The following NFAT5 variants were observed in gnomAD, a reference collection of about 807,000 sequenced individuals.
NFAT5 encodes the protein nuclear factor of activated T-cells 5.
NFAT5 carries 31 observed loss-of-function variants against 166.5 expected under a neutral mutation model. The ratio of observed to expected loss-of-function variants is 0.19; its 90% CI spans 0.14 to 0.25. The LOEUF (loss-of-function observed/expected upper bound fraction) is 0.25. NFAT5 is among the 10% of genes least tolerant of loss of function. The probability of loss-of-function intolerance (pLI) is 1.00; values close to 1 mark genes in which losing one functional copy is unlikely to be tolerated. For synonymous variants in NFAT5, 612 were observed against 639.7 expected, an observed-to-expected ratio of 0.96 and a Z score of 0.65; for missense variants, 1,449 against 1,821.8, an observed-to-expected ratio of 0.80 and a Z score of 3.72.
rs2151732335 is a variant in NFAT5 at position 69,699,467 on chromosome 16, T to C, written c.*3116T>C. On this transcript the variant is annotated 3_prime_UTR_variant, in exon 15 of 15. Transcript: ENST00000349945. The stretch of plus-strand genomic sequence containing the variant: ...CTACCATATTCTTGTTCAATAATAA[T>C]AGGTTTGTTGTTTTTTTTACATTGT... 1 of 152,780 alleles carries C rather than the reference T, an allele frequency of 6.5e-6. No homozygotes were observed. The highest frequency in any genetic ancestry group is 1.9e-4 in the East Asian group (1 of 5,188). The allele number at this position is 152,780 out of a possible 1,614,324, so 9.5% of individuals were successfully genotyped here. A position where few individuals can be genotyped will look rare whatever the true frequency, so the allele number is the denominator to read the frequency against.
chr16:69,593,453 G>A (rs1179712607), intron 2 of NFAT5, among the ~76,000 whole-genome samples: 1 of 151,810 alleles, frequency 6.6e-6, no homozygotes, highest in East Asian at 1.9e-4. Flanking sequence ...TGGGACCACA[G>A]GTGTGCACCA....
intron 3 of NFAT5, among the ~76,000 whole-genome samples, chr16:69,627,042 A>C (rs988668185): frequency 6.6e-6 from 1 of 151,902 alleles, no homozygotes; most frequent in Non-Finnish European, 1.5e-5. Context: ...GAGGACGTCA[A>C]TATAATATTT....
chr16:69,577,899 G>A (rs1450197381), intron 2 of NFAT5, among the ~76,000 whole-genome samples: 1 of 151,908 alleles, frequency 6.6e-6, no homozygotes, highest in Non-Finnish European at 1.5e-5. Context: ...AAGCTGAGGT[G>A]GGAGGATCAC....
intron 4 of NFAT5, chr16:69,649,536 C>T: frequency 3.0e-6 from 3 of 984,062 alleles, no homozygotes; most frequent in Non-Finnish European, 3.6e-6. Flanking sequence ...GCAGAAATTC[C>T]ATCAAGCAGA....
chr16:69,620,771 C>T (rs1032700583), intron 2 of NFAT5, among the ~76,000 whole-genome samples: 1 of 152,154 alleles, frequency 6.6e-6, no homozygotes, highest in Non-Finnish European at 1.5e-5. Context: ...CCAGCTCTTA[C>T]ATTAATCCTT....
chr16:69,670,347 T>A (rs1325174821), intron 9 of NFAT5, 59 bp downstream of exon 9: 4 of 1,070,544 alleles, frequency 3.7e-6, no homozygotes, highest in Non-Finnish European at 5.5e-6. Context: ...TTCAGTTTTG[T>A]TTTGAAATTT....
chr16:69,579,534 A>G (rs2031529592), intron 2 of NFAT5, among the ~76,000 whole-genome samples: 2 of 152,222 alleles, frequency 1.3e-5, no homozygotes, highest in African/African-American at 4.8e-5. Flanking sequence ...ACTGTATTAC[A>G]GTAAATACAA....
At position 69,566,433 on chromosome 16, in the gene NFAT5, AGGGCC is replaced by A; in HGVS notation, c.73+60_73+64del. On this transcript the variant is annotated intron_variant, in intron 1 of 14. Transcript: ENST00000349945. This position sits in a 1 kb window ranked among gnomAD's most constrained non-coding sequence, Gnocchi z 5.7. ...CGGGGAGACAGGGAGACAGGGAGAC[AGGGCC>A]AGGGGAGGCGAGGGGTCCCCGTCCC... is the stretch of plus-strand genomic sequence containing the variant. 1 of 1,359,508 alleles carries A rather than the reference AGGGCC, an allele frequency of 7.4e-7. No individual in the cohort carries two copies. Among genetic ancestry groups the A allele is most frequent in the Non-Finnish European group, 1.0e-6 (1 of 983,082 alleles). 84.2% of individuals were successfully genotyped at this position (1,359,508 alleles called of 1,614,324 possible). A position where few individuals can be genotyped will look rare whatever the true frequency, so the allele number is the denominator to read the frequency against.
At chr16:69,691,681 T>G (rs1306792327) in intron 12 of NFAT5, 68 bp from the exon 13 acceptor site, 1 of 1,247,428 alleles carries the variant, frequency 8.0e-7, no homozygotes, top group Non-Finnish European at 1.1e-6. Flanking sequence ...AATAGTGATT[T>G]TTGATGTATG....
intron 3 of NFAT5, among the ~76,000 whole-genome samples, chr16:69,631,349 T>A (rs1460922086): frequency 1.3e-5 from 2 of 152,076 alleles, no homozygotes; most frequent in Non-Finnish European, 2.9e-5. Context: ...GAGAATTGCT[T>A]GAACTCGGGT....
At chr16:69,585,481 C>G (rs985679235) in intron 2 of NFAT5, among the ~76,000 whole-genome samples, 6 of 152,034 alleles carry the variant, frequency 3.9e-5, no homozygotes, top group African/African-American at 9.6e-5. Flanking sequence ...GTATATACCC[C>G]CAATAATTGA....
chr16:69,654,320 C>G (rs2035794374), intron 5 of NFAT5, among the ~76,000 whole-genome samples: 1 of 152,090 alleles, frequency 6.6e-6, no homozygotes, highest in Non-Finnish European at 1.5e-5. Context: ...AGGTGGACTG[C>G]CTTTCATTTT....
chr16:69,689,854 C>T (rs1324427394), intron 11 of NFAT5, among the ~76,000 whole-genome samples: 2 of 152,150 alleles, frequency 1.3e-5, no homozygotes, highest in South Asian at 2.1e-4. Flanking sequence ...CTTTCAGCAG[C>T]ATATTGACTG....
intron 2 of NFAT5, among the ~76,000 whole-genome samples, chr16:69,570,971 TTAGC>T (rs1161432196): frequency 2.0e-5 from 3 of 151,886 alleles, no homozygotes; most frequent in African/African-American, 7.2e-5. Context: ...TCAGTAAATG[TTAGC>T]TAAAGTTAAA....
intron 2 of NFAT5, among the ~76,000 whole-genome samples, chr16:69,581,588 C>A (rs991165051): frequency 1.4e-4 from 21 of 152,028 alleles, no homozygotes; most frequent in African/African-American, 4.8e-4. Context: ...CAGATTTTTT[C>A]AAATTTTTTT....
At chr16:69,609,980 T>G (rs1193968610) in intron 2 of NFAT5, among the ~76,000 whole-genome samples, 1 of 151,770 alleles carries the variant, frequency 6.6e-6, no homozygotes, top group Non-Finnish European at 1.5e-5. Flanking sequence ...CACTCCAATC[T>G]GGACAACAGA....
At chr16:69,625,986 G>T (rs896223964) in intron 2 of NFAT5, among the ~76,000 whole-genome samples, 53 of 148,704 alleles carry the variant, frequency 3.6e-4, no homozygotes, top group African/African-American at 1.3e-3. Context: ...TTGAAACAGG[G>T]TCTCACCCAG....
At chr16:69,572,833 GTTATTTAT>G (rs574120188) in intron 2 of NFAT5, among the ~76,000 whole-genome samples, 5 of 151,862 alleles carry the variant, frequency 3.3e-5, no homozygotes, top group Non-Finnish European at 5.9e-5. Context: ...TATAATCTTT[GTTATTTAT>G]TTATTTATTT....
intron 3 of NFAT5, among the ~76,000 whole-genome samples, chr16:69,634,595 A>G (rs777071831): frequency 3.9e-5 from 6 of 152,204 alleles, no homozygotes; most frequent in Admixed American, 2.0e-4. Flanking sequence ...TTCTTCCCAT[A>G]TAATTACAGG....
Sources: gnomAD v4.1 joint callset for allele counts (sites outside exome capture counted in the v4.1 genomes callset) on GRCh38, gnomAD v4.1.1 for gene constraint, Gnocchi (gnomAD v3.1) non-coding constraint, MANE v1.5 for transcripts, NCBI Gene and HGNC (gene_info 2026-07-23, HGNC 2026-07-21) for gene names.